Variants in FTSJ3 observed in about 807,000 individuals in gnomAD.
FTSJ3 encodes the protein FtsJ RNA 2'-O-methyltransferase 3, also known as pre-rRNA 2'-O-ribose RNA methyltransferase FTSJ3.
A neutral mutation model predicts 111.5 loss-of-function variants in FTSJ3; 46 were observed. The observed-to-expected ratio is 0.41, with a 90% CI of 0.33 to 0.53. The LOEUF (loss-of-function observed/expected upper bound fraction) is 0.53, where lower values mean the gene tolerates loss of function less well. Among genes scored for constraint, FTSJ3 ranks in the 20% least tolerant of loss-of-function variants. The probability of loss-of-function intolerance (pLI) is 0.19; values close to 1 mark genes in which losing one functional copy is unlikely to be tolerated. For missense variants in FTSJ3, 1,075 were observed against 1,063.8 expected, an observed-to-expected ratio of 1.01 and a Z score of -0.15; for synonymous variants, 408 against 383.0, an observed-to-expected ratio of 1.07 and a Z score of -0.76.
At position 63,820,433 on chromosome 17, in the gene FTSJ3, G is replaced by C; in HGVS notation, c.2078C>G (p.Thr693Arg). Residue 693 changes from threonine to arginine, a missense_variant, in exon 19 of 21, where the codon ACA (threonine) becomes AGA (arginine). This residue lies in a region of FTSJ3 where 867 missense variants were observed against 796.9 expected (regional missense o/e 1.09). Transcript: ENST00000427159. ...AAGCTCCCCCTCATCCTCATTAAAT[G>C]TGTACCTGAGTGGAAAGGACATCTG... is the stretch of plus-strand genomic sequence containing the variant. Reference protein sequence around the residue: ...DLIDNSFNRYTFNEDEGELPE... With the variant: ...DLIDNSFNRYRFNEDEGELPE... 1 of 1,613,854 alleles carries C rather than the reference G, an allele frequency of 6.2e-7. No individual in the cohort carries two copies. Among genetic ancestry groups the C allele is most frequent in the Non-Finnish European group, 8.5e-7 (1 of 1,179,864 alleles).
rs1430991413 is a variant in FTSJ3, at chr17:63,819,689, C to G, written c.*113G>C. 11 of 1,004,694 alleles carry G rather than the reference C, an allele frequency of 1.1e-5. No individual in the cohort carries two copies. The highest frequency in any genetic ancestry group is 1.6e-5 in the Non-Finnish European group (11 of 681,912). The allele number at this position is 1,004,694 out of a possible 1,614,324, so 62.2% of individuals were successfully genotyped here. The stretch of plus-strand genomic sequence containing the variant: ...CTAGGCACTCCACCTCACTGTTCTT[C>G]AGACAGCTGTGATGTGAGCAGGGGC... On this transcript the variant is annotated 3_prime_UTR_variant, in exon 21 of 21. Transcript: ENST00000427159.
In FTSJ3 at chr17:63,825,084, C is replaced by G. The variant is rs761904927; in HGVS notation, c.675G>C (p.Lys225Asn). The change falls in exon 8 of 21, where the codon AAG becomes AAC. Residue 225 changes from lysine to asparagine, a missense_variant. This residue lies in a region of FTSJ3 where 867 missense variants were observed against 796.9 expected (regional missense o/e 1.09). Transcript: ENST00000427159. ...TCTTAGTAACCAATTCAGTAACGGT[C>G]TTAGCCTGAACTTCAACCTCCTTAA... ...FAFKEVEVQA[K>N]TVTELVTKKK... 2.4e-5 allele frequency: 39 copies of G among 1,614,078 alleles called. No homozygotes were observed. Among genetic ancestry groups the G allele is most frequent in the Non-Finnish European group, 3.2e-5 (38 of 1,180,042 alleles).
At position 63,821,860 on chromosome 17, in the gene FTSJ3, A is replaced by G. The variant is rs1403632914; in HGVS notation, c.1476-17T>C. 6.2e-7 allele frequency: 1 copy of G among 1,614,006 alleles called. No individual in the cohort carries two copies. ...AGTCGCATACTGTAGACCCAAAGGA[A>G]AGTAGGGGGCTCAGAGACCCAGATT... On this transcript the variant is annotated splice_polypyrimidine_tract_variant and intron_variant, in intron 14 of 20. Transcript: ENST00000427159.
chr17:63,822,830 CAT>C (rs55934642), intron 13 of FTSJ3, among the ~76,000 whole-genome samples: 36,137 of 152,100 alleles, frequency 0.24, 4,488 homozygotes, highest in Middle Eastern at 0.34. Context: ...GTGTTTATCA[CAT>C]ATGAGGGATT....
At position 63,826,603 on chromosome 17, in the gene FTSJ3, C is replaced by T; in HGVS notation, c.137G>A (p.Arg46Gln). The T allele has an allele frequency of 2.5e-6, 4 of 1,614,104 alleles. No homozygotes were observed. The African/African-American group carries it at 5.3e-5, about 22-fold the overall frequency. Residue 46 changes from arginine to glutamine, a missense_variant, in exon 3 of 21, where the codon CGA becomes CAA. Physicochemically the swap from Arg to Gln is conservative, Grantham distance 43 (BLOSUM62 1). Transcript: ENST00000427159. Reference sequence around the variant, plus strand: ...CGCAGCACACAGGTCCAGCAAGGCTCGGGCTTTCTGCAGGAACTGAAAGCG... The same window carrying T: ...CGCAGCACACAGGTCCAGCAAGGCTTGGGCTTTCTGCAGGAACTGAAAGCG... ...NRRFQFLQKA[R>Q]ALLDLCAAPG...
intron 3 of FTSJ3, 45 bp downstream of exon 3, chr17:63,826,522 C>G (rs2040105978): frequency 1.3e-6 from 2 of 1,506,608 alleles, no homozygotes; most frequent in Non-Finnish European, 9.2e-7. Context: ...AGCTCAGAAC[C>G]CAGAAAGCGG....
At chr17:63,820,202 TCCCC>T (rs2040034714) in intron 19 of FTSJ3, 29 bp from the exon 20 acceptor site, 1 of 1,590,306 alleles carries the variant, frequency 6.3e-7, no homozygotes, top group Non-Finnish European at 8.6e-7. Flanking sequence ...GGTGACCTCT[TCCCC>T]ATCCCCCCAC....
At chr17:63,824,279 C>T (rs2040077164) in intron 11 of FTSJ3, 40 bp from the exon 12 acceptor site, 1 of 1,614,196 alleles carries the variant, frequency 6.2e-7, no homozygotes, top group Non-Finnish European at 8.5e-7. Context: ...TTTTCCCAGA[C>T]TTTTCCCCTG....
chr17:63,827,430 C>T lies in FTSJ3; in HGVS notation c.-405G>A. ...GCCTGGTCTTCAGGTCCCAATCCTC[C>T]GCTTCCGCGCTTGCGCGCCAAGACG... On this transcript the variant is annotated 5_prime_UTR_variant, in exon 1 of 21. Coordinates refer to ENST00000427159, the MANE Select transcript of FTSJ3 (RefSeq NM_017647.4). 1 of 1,551,448 alleles carries T rather than the reference C, an allele frequency of 6.4e-7. No homozygotes were observed.
In FTSJ3 at chr17:63,821,978, C is replaced by T. The variant is rs1387306065; in HGVS notation, c.1475+6G>A. 1.2e-6 allele frequency: 2 copies of T among 1,613,988 alleles called. No individual in the cohort carries two copies. Among genetic ancestry groups the T allele is most frequent in the Middle Eastern group, 1.6e-4 (1 of 6,062 alleles). On this transcript the variant is annotated splice_donor_region_variant and intron_variant, in intron 14 of 20. Transcript: ENST00000427159. ...GCATTCCCTTTGGTGCACACGTGCC[C>T]CTTACCGCTTTTGGTCCCTTAGACC... is the stretch of plus-strand genomic sequence containing the variant.
In FTSJ3 at chr17:63,821,984, C is replaced by T. The variant is rs145710929; in HGVS notation, c.1475G>A (p.Arg492His). The T allele has an allele frequency of 3.1e-6, 5 of 1,613,960 alleles. No homozygotes were observed. The highest frequency in any genetic ancestry group is 1.1e-5 in the South Asian group (1 of 91,032). Residue 492 changes from arginine (R) to histidine (H), a missense_variant and splice_region_variant, in exon 14 of 21, where the codon CGT becomes CAT. Arg to His is a conservative substitution (Grantham distance 29, BLOSUM62 0). Around this residue, in one of 2 missense-constraint regions of FTSJ3, gnomAD observed 867 missense variants for 796.9 expected, o/e 1.09. Coordinates refer to ENST00000427159, the MANE Select transcript of FTSJ3 (RefSeq NM_017647.4). ...CCTTTGGTGCACACGTGCCCCTTAC[C>T]GCTTTTGGTCCCTTAGACCCTGATG... ...RGHQGLRDQK[R>H]MRLTEVQDDK...
Position 63,819,766 on chromosome 17 carries a change from A to T in FTSJ3, c.*36T>A, listed in dbSNP as rs763147438. 5.1e-6 allele frequency: 8 copies of T among 1,577,866 alleles called. No individual in the cohort carries two copies. The highest frequency in any genetic ancestry group is 6.9e-6 in the Non-Finnish European group (8 of 1,158,926). On this transcript the variant is annotated 3_prime_UTR_variant, in exon 21 of 21. Transcript: ENST00000427159. ...TGAGCCATGCCACACCCTTCCTCCT[A>T]GTCCCCATGCTCTCCTGGGAGCCTG...
rs2040079449 is a variant in FTSJ3 at position 63,824,488 on chromosome 17, CA to C, written c.918-78del. 3.3e-6 allele frequency: 5 copies of C among 1,532,746 alleles called. No homozygotes were observed. The Admixed American group carries it at 8.4e-5, about 26-fold the overall frequency. The allele number at this position is 1,532,746 out of a possible 1,614,324, so 94.9% of individuals were successfully genotyped here. A position where few individuals can be genotyped will look rare whatever the true frequency, so the allele number is the denominator to read the frequency against. ...CCCCTTCTGTTTTAGGCTCACTACC[CA>C]CCTTTCGGGCTTCGGCTACATAAAT... On this transcript the variant is annotated intron_variant, in intron 10 of 20. Coordinates refer to ENST00000427159, the MANE Select transcript of FTSJ3 (RefSeq NM_017647.4).
rs376119296 is a variant in FTSJ3, at chr17:63,821,787, A to G, written c.1532T>C (p.Leu511Pro). 6 of 1,614,024 alleles carry G rather than the reference A, an allele frequency of 3.7e-6. No homozygotes were observed. Among genetic ancestry groups the G allele is most frequent in the Non-Finnish European group, 4.2e-6 (5 of 1,180,010 alleles). ...DKEEEEEENP[L>P]LVPLEEKAVL... The stretch of plus-strand genomic sequence containing the variant: ...TGCCTTTTCCTCCAGTGGTACCAGC[A>G]GTGGATTCTCCTCCTCCTCCTCCTC... The change falls in exon 15 of 21, where the codon CTG (leucine) becomes CCG (proline). Residue 511 changes from leucine to proline, a missense_variant. Physicochemically the swap from Leu to Pro is moderately conservative, Grantham distance 98. This residue lies in a region of FTSJ3 where 867 missense variants were observed against 796.9 expected (regional missense o/e 1.09). Transcript: ENST00000427159.
At chr17:63,825,009 T>G (rs751827664) in intron 8 of FTSJ3, 39 bp downstream of exon 8, 1 of 1,599,858 alleles carries the variant, frequency 6.3e-7, no homozygotes, top group Admixed American at 1.7e-5. Flanking sequence ...CTCCCTAGAG[T>G]TCCAGGACCC....
Position 63,819,973 on chromosome 17 carries a change from A to C in FTSJ3, c.2373T>G (p.Leu791=). 6.2e-7 allele frequency: 1 copy of C among 1,614,072 alleles called. No homozygotes were observed. The highest frequency in any genetic ancestry group is 8.5e-7 in the Non-Finnish European group (1 of 1,180,000). The change falls in exon 21 of 21, where the codon CTT becomes CTG. Residue 791 remains leucine, a synonymous_variant. Transcript: ENST00000427159. ...QLRSLYKKAG[L]GKEKRHVTYV... ...AGGTGACATGGCGTTTCTCCTTGCC[A>C]AGCCCAGCCTTCTTGTAGAGACTAC...
In FTSJ3 at chr17:63,827,301, A is replaced by G. The variant is rs2040118412; in HGVS notation, c.-276T>C. Reference sequence around the variant, plus strand: ...TGAGGAGGAGTTCTACTCCTTCCTCATCCCCTTCCAAAGCCCCTGAACTCG... The same window carrying G: ...TGAGGAGGAGTTCTACTCCTTCCTCGTCCCCTTCCAAAGCCCCTGAACTCG... On this transcript the variant is annotated 5_prime_UTR_variant, in exon 1 of 21. The change abolishes an upstream ATG in the 5' untranslated region. Transcript: ENST00000427159. 4.4e-6 allele frequency: 3 copies of G among 686,982 alleles called. No homozygotes were observed. The highest frequency in any genetic ancestry group is 7.4e-6 in the Non-Finnish European group (3 of 402,896). The allele number at this position is 686,982 out of a possible 1,614,324, so 42.6% of individuals were successfully genotyped here.
rs2040027775 is a variant in FTSJ3, at chr17:63,819,716, A to G, written c.*86T>C. The stretch of plus-strand genomic sequence containing the variant: ...GACAGCTGTGATGTGAGCAGGGGCT[A>G]GGCCGGTAATCAAGGGGGCCAGACT... On this transcript the variant is annotated 3_prime_UTR_variant, in exon 21 of 21. Transcript: ENST00000427159. 5 of 1,252,230 alleles carry G rather than the reference A, an allele frequency of 4.0e-6. No homozygotes were observed. The highest frequency in any genetic ancestry group is 2.1e-5 in the Admixed American group (1 of 46,866). 77.6% of individuals were successfully genotyped at this position (1,252,230 alleles called of 1,614,324 possible).
In FTSJ3 at chr17:63,822,051, C is replaced by A; in HGVS notation, c.1408G>T (p.Asp470Tyr). The change falls in exon 14 of 21, where the codon GAT becomes TAT. Residue 470 changes from aspartate (D) to tyrosine (Y), a missense_variant. This residue lies in a region of FTSJ3 where 867 missense variants were observed against 796.9 expected (regional missense o/e 1.09). Coordinates refer to ENST00000427159, the MANE Select transcript of FTSJ3 (RefSeq NM_017647.4). ...AGCTCCTCTGGATCCAGGTCACTAT[C>A]CAGAGATGTGTCATCACCGTCGTCC... is the stretch of plus-strand genomic sequence containing the variant. ...VEDDGDDTSL[D>Y]SDLDPEELAG... The A allele has an allele frequency of 6.2e-7, 1 of 1,614,178 alleles. No individual in the cohort carries two copies. The highest frequency in any genetic ancestry group is 1.1e-5 in the South Asian group (1 of 91,082).
Sources: allele counts gnomAD v4.1 joint callset (sites outside exome capture counted in the v4.1 genomes callset), GRCh38; gene constraint gnomAD v4.1.1; regional missense constraint gnomAD v4.1.1; transcripts MANE v1.5; gene names NCBI Gene and HGNC (gene_info 2026-07-23, HGNC 2026-07-21).